The following TSHZ2 variants were observed in gnomAD, a reference collection of about 807,000 sequenced individuals.
TSHZ2 encodes teashirt homolog 2.
Under a neutral mutation model 74.4 loss-of-function variants are expected in TSHZ2, and 21 were observed. That is an observed-to-expected ratio of 0.28 (90% CI 0.20 to 0.41). The LOEUF (loss-of-function observed/expected upper bound fraction) is 0.41. TSHZ2 is among the 10% of genes least tolerant of loss of function. The pLI, the probability that TSHZ2 is intolerant of heterozygous loss-of-function variation, is 1.00. For synonymous variants in TSHZ2, 540 were observed against 515.3 expected (o/e 1.05, Z -0.65); for missense variants, 1,244 against 1,293.5 (o/e 0.96, Z 0.59).
chr20:53,489,439 T>G lies in TSHZ2; in HGVS notation c.*2304T>G, dbSNP rs1423464403. 3 of 316,404 alleles carry G rather than the reference T, an allele frequency of 9.5e-6. No homozygotes were observed. Among genetic ancestry groups the G allele is most frequent in the Non-Finnish European group, 1.9e-5 (3 of 161,344 alleles). The allele number at this position is 316,404 out of a possible 1,614,324, so 19.6% of individuals were successfully genotyped here. On this transcript the variant is annotated 3_prime_UTR_variant, in exon 3 of 3. Coordinates refer to ENST00000371497, the MANE Select transcript of TSHZ2 (RefSeq NM_173485.6). Reference sequence around the variant, plus strand: ...GCATTAGTATTGGGGTTCTCGTAGCTGTTAAAAATTGTCTGCTCCAATCCA... The same window carrying G: ...GCATTAGTATTGGGGTTCTCGTAGCGGTTAAAAATTGTCTGCTCCAATCCA...
chr20:53,253,924 G>C lies in TSHZ2; in HGVS notation c.466G>C (p.Asp156His). The change falls in exon 2 of 3, where the codon GAC becomes CAC. Residue 156 changes from aspartate (D) to histidine (H), a missense_variant. Asp to His is a moderately conservative substitution (Grantham distance 81). Around this residue, in one of 6 missense-constraint regions of TSHZ2, gnomAD observed 470 missense variants for 456.5 expected, o/e 1.03. Coordinates refer to ENST00000371497, the MANE Select transcript of TSHZ2 (RefSeq NM_173485.6). The stretch of plus-strand genomic sequence containing the variant: ...GTCCAATAGTGAGAGGAGGAACTGT[G>C]ACACCCGAAACGGCAGCAACAAGAG... The part of the protein sequence containing the change: ...KLSNSERRNC[D>H]TRNGSNKSDF... 1.9e-6 allele frequency: 3 copies of C among 1,614,190 alleles called. No homozygotes were observed. The highest frequency in any genetic ancestry group is 2.5e-6 in the Non-Finnish European group (3 of 1,180,026).
Position 53,255,825 on chromosome 20 carries a change from G to A in TSHZ2, c.2367G>A (p.Lys789=). ...QAQSCMSPPQ[K]HALSDIADMV... ...AATCTTGTATGTCCCCACCTCAGAA[G>A]CACGCTCTGTCTGACATCGCCGACA... The change falls in exon 2 of 3, where the codon AAG becomes AAA. Residue 789 remains lysine (K), a synonymous_variant. Coordinates refer to ENST00000371497, the MANE Select transcript of TSHZ2 (RefSeq NM_173485.6). The surrounding 1 kb of genome is among the most constrained non-coding windows in gnomAD (Gnocchi z 4.1). The A allele has an allele frequency of 1.2e-6, 2 of 1,613,040 alleles. No homozygotes were observed. Among genetic ancestry groups the A allele is most frequent in the Non-Finnish European group, 1.7e-6 (2 of 1,179,488 alleles).
intron 2 of TSHZ2, among the ~76,000 whole-genome samples, chr20:53,323,293 G>A (rs1476591439): frequency 6.6e-6 from 1 of 152,174 alleles, no homozygotes; most frequent in African/African-American, 2.4e-5. Flanking sequence ...TACTCCGGGT[G>A]ACTCTTATAA....
chr20:53,177,950 G>A (rs2076308237), intron 1 of TSHZ2, among the ~76,000 whole-genome samples: 1 of 152,152 alleles, frequency 6.6e-6, no homozygotes, highest in African/African-American at 2.4e-5. Flanking sequence ...AGTGCCTGGT[G>A]CATTGTAAGC....
At chr20:53,138,496 CT>C (rs945560217) in intron 1 of TSHZ2, among the ~76,000 whole-genome samples, 5 of 152,076 alleles carry the variant, frequency 3.3e-5, no homozygotes, top group Admixed American at 6.5e-5. Context: ...TCAACCAGGG[CT>C]TTTCTCTCAC....
At chr20:53,245,594 A>G (rs73272885) in intron 1 of TSHZ2, among the ~76,000 whole-genome samples, 2,583 of 152,328 alleles carry the variant, frequency 0.017, 75 homozygotes, top group African/African-American at 0.06. Context: ...AAACTTCTCA[A>G]ACTTCCTGGC....
Position 53,255,327 on chromosome 20 carries a change from CTCAT to C in TSHZ2, c.1870_1873del (p.Ser624LeufsTer27). ...GGAAAGAAAGTCCCCACGAAGAGGC[CTCAT>C]CTTTCAGCCACAGTGAGGGCGATTC... is the stretch of plus-strand genomic sequence containing the variant. On this transcript the variant is annotated frameshift_variant, in exon 2 of 3. Transcript: ENST00000371497. LOFTEE classifies it high-confidence loss of function. This position sits in a 1 kb window ranked among gnomAD's most constrained non-coding sequence, Gnocchi z 4.1. 3.7e-6 allele frequency: 6 copies of C among 1,614,012 alleles called. No homozygotes were observed. Among genetic ancestry groups the C allele is most frequent in the Non-Finnish European group, 5.1e-6 (6 of 1,179,974 alleles).
intron 1 of TSHZ2, among the ~76,000 whole-genome samples, chr20:52,976,363 A>G (rs1399260253): frequency 6.6e-6 from 1 of 151,624 alleles, no homozygotes; most frequent in Admixed American, 6.6e-5. Flanking sequence ...TTAGGGCAAG[A>G]AAAAAAAAGT....
intron 1 of TSHZ2, among the ~76,000 whole-genome samples, chr20:53,213,473 C>T (rs1281464130): frequency 6.6e-6 from 1 of 151,982 alleles, no homozygotes; most frequent in African/African-American, 2.4e-5. Context: ...GCTGATTAAA[C>T]CCACAGCAAA....
intron 2 of TSHZ2, among the ~76,000 whole-genome samples, chr20:53,350,030 A>G (rs1980589111): frequency 6.6e-6 from 1 of 152,222 alleles, no homozygotes; most frequent in African/African-American, 2.4e-5. Context: ...CTCTTCTGCC[A>G]TCATATCCTA....
At chr20:53,476,558 G>C (rs1219037741) in intron 2 of TSHZ2, among the ~76,000 whole-genome samples, 1 of 145,708 alleles carries the variant, frequency 6.9e-6, no homozygotes, top group African/African-American at 2.5e-5. Flanking sequence ...ATATCATACT[G>C]AATGGGCAAA....
intron 1 of TSHZ2, among the ~76,000 whole-genome samples, chr20:53,124,559 G>T (rs1294811445): frequency 6.6e-6 from 1 of 152,188 alleles, no homozygotes; most frequent in Non-Finnish European, 1.5e-5. Context: ...TGCCAACTTG[G>T]CTTTACGGAT....
chr20:53,174,931 G>A (rs1568795156), intron 1 of TSHZ2, among the ~76,000 whole-genome samples: 1 of 152,018 alleles, frequency 6.6e-6, no homozygotes. Context: ...GGAAATTGCA[G>A]GACCCCATTT....
chr20:53,438,776 C>A (rs1984196942), intron 2 of TSHZ2, among the ~76,000 whole-genome samples: 1 of 152,140 alleles, frequency 6.6e-6, no homozygotes, highest in Admixed American at 6.5e-5. Context: ...GCCTGACCAA[C>A]ATGATGAAAC....
chr20:53,015,808 A>T (rs925845016), intron 1 of TSHZ2, among the ~76,000 whole-genome samples: 1 of 152,148 alleles, frequency 6.6e-6, no homozygotes, highest in Non-Finnish European at 1.5e-5. Flanking sequence ...GAGGGTGAGA[A>T]GTGGGGGAAA....
intron 2 of TSHZ2, among the ~76,000 whole-genome samples, chr20:53,317,735 C>G (rs1979081539): frequency 6.6e-6 from 1 of 152,186 alleles, no homozygotes; most frequent in Admixed American, 6.5e-5. Context: ...GGTTTTCTTA[C>G]AGAGAGCAGC....
chr20:53,049,686 GA>G (rs1031921041), intron 1 of TSHZ2, among the ~76,000 whole-genome samples: 1 of 152,106 alleles, frequency 6.6e-6, no homozygotes, highest in African/African-American at 2.4e-5. Flanking sequence ...GGAAGGAAAG[GA>G]GAGACGAAGG....
intron 2 of TSHZ2, among the ~76,000 whole-genome samples, chr20:53,264,950 G>A (rs1294936859): frequency 6.6e-6 from 1 of 152,174 alleles, no homozygotes; most frequent in East Asian, 1.9e-4. Flanking sequence ...GTTGAGACTG[G>A]CCAAGAAGCA....
intron 1 of TSHZ2, among the ~76,000 whole-genome samples, chr20:53,080,037 C>T (rs1409019054): frequency 1.3e-5 from 2 of 152,116 alleles, no homozygotes; most frequent in Non-Finnish European, 2.9e-5. Flanking sequence ...CAGACTAGCT[C>T]AGCTTACCTA....
Sources: gnomAD v4.1 joint callset for allele counts (sites outside exome capture counted in the v4.1 genomes callset) on GRCh38, gnomAD v4.1.1 for gene constraint, gnomAD v4.1.1 regional missense constraint, Gnocchi (gnomAD v3.1) non-coding constraint, MANE v1.5 for transcripts, NCBI Gene and HGNC (gene_info 2026-07-23, HGNC 2026-07-21) for gene names.